Variants in UNC79 observed in about 807,000 individuals in gnomAD.
UNC79 encodes protein unc-79 homolog.
A neutral mutation model predicts 283.1 loss-of-function variants in UNC79; 37 were observed. That is an observed-to-expected ratio of 0.13 (90% CI 0.10 to 0.17). The LOEUF is 0.17. Ranked by LOEUF, UNC79 falls within the 10% of genes least tolerant of loss-of-function variation. The pLI is 1.00. For synonymous variants in UNC79, 1,107 were observed against 1,200.2 expected (o/e 0.92, Z 1.61); for missense variants, 2,272 against 3,211.1 (o/e 0.71, Z 7.07).
chr14:93,412,927 C>CA (rs1225381003), intron 1 of UNC79, among the ~76,000 whole-genome samples: 1 of 151,912 alleles, frequency 6.6e-6, no homozygotes, highest in African/African-American at 2.4e-5. Context: ...TGTTAATGAG[C>CA]AAAAAGAAAT....
At chr14:93,608,663 G>T (rs2066065871) in intron 26 of UNC79, among the ~76,000 whole-genome samples, 1 of 152,212 alleles carries the variant, frequency 6.6e-6, no homozygotes, top group South Asian at 2.1e-4. Context: ...TGGACCAAGT[G>T]CAGAGTAAGC....
At chr14:93,557,656 T>G (rs1379438080) in intron 14 of UNC79, among the ~76,000 whole-genome samples, 1 of 150,948 alleles carries the variant, frequency 6.6e-6, no homozygotes, top group Non-Finnish European at 1.5e-5. Flanking sequence ...GGAGAGAGAG[T>G]ACCCCCATAT....
At chr14:93,455,747 A>G (rs749739361) in intron 1 of UNC79, among the ~76,000 whole-genome samples, 1 of 152,208 alleles carries the variant, frequency 6.6e-6, no homozygotes, top group Non-Finnish European at 1.5e-5. Context: ...TCTGTGAGAT[A>G]GATATGATTA....
intron 7 of UNC79, among the ~76,000 whole-genome samples, chr14:93,500,465 A>G (rs535209050): frequency 6.6e-6 from 1 of 150,820 alleles, no homozygotes; most frequent in East Asian, 1.9e-4. Flanking sequence ...AAGATCACAG[A>G]AAAAAAAAAT....
At chr14:93,538,870 T>C (rs939202734) in intron 12 of UNC79, among the ~76,000 whole-genome samples, 4 of 149,850 alleles carry the variant, frequency 2.7e-5, no homozygotes, top group East Asian at 2.0e-4. Context: ...CTGATACTCA[T>C]AGAGGCAAGA....
chr14:93,357,786 GATATAT>G (rs1264250691), intron 1 of UNC79, among the ~76,000 whole-genome samples: 1 of 98,180 alleles, frequency 1.0e-5, no homozygotes, highest in Non-Finnish European at 2.1e-5. Flanking sequence ...TGGATATATG[GATATAT>G]ATATATGGAT....
rs149464547 is a variant in UNC79 at position 93,458,006 on chromosome 14, C to G, written c.23-9665C>G. Among the ~76,000 whole-genome samples the G allele has an allele frequency of 2.7e-3, 409 of 152,314 alleles. 1 individual carries two copies. Among genetic ancestry groups the G allele is most frequent in the African/African-American group, 9.3e-3 (387 of 41,566 alleles). ...TCAAGAGAAAAAAATAAAAAGGTTTCAGGCATAATTTTTACTTAAACCATT... is the reference window on the plus strand; with the variant it reads ...TCAAGAGAAAAAAATAAAAAGGTTTGAGGCATAATTTTTACTTAAACCATT... On this transcript the variant is annotated intron_variant, in intron 1 of 48. Coordinates refer to ENST00000555664, the Ensembl canonical transcript of UNC79.
intron 1 of UNC79, among the ~76,000 whole-genome samples, chr14:93,360,291 G>A (rs78786989): frequency 2.0e-5 from 3 of 152,110 alleles, no homozygotes; most frequent in Admixed American, 6.5e-5. Context: ...AAACAATATC[G>A]CATCCCTGGA....
Position 93,474,851 on chromosome 14 carries a change from T to G in UNC79, c.448+458T>G, listed in dbSNP as rs188785312. Among the ~76,000 whole-genome samples, 178 of 152,282 alleles carry G rather than the reference T, an allele frequency of 1.2e-3. 3 individuals are homozygous for G. In the Middle Eastern group the frequency reaches 0.027, roughly 23 times the overall value. Reference sequence around the variant, plus strand: ...ATTTTTTCCTGTCTCTTTAATAAAGTCAGGAGGTTAGATGAGAAGTAATCT... The same window carrying G: ...ATTTTTTCCTGTCTCTTTAATAAAGGCAGGAGGTTAGATGAGAAGTAATCT... On this transcript the variant is annotated intron_variant, in intron 3 of 48. Transcript: ENST00000555664. The surrounding 1 kb of genome is among the most constrained non-coding windows in gnomAD (Gnocchi z 4.1).
At chr14:93,410,085 A>G (rs1453431454) in intron 1 of UNC79, among the ~76,000 whole-genome samples, 1 of 152,244 alleles carries the variant, frequency 6.6e-6, no homozygotes, top group Non-Finnish European at 1.5e-5. Flanking sequence ...TGAATCACTG[A>G]CACCACCCTT....
intron 1 of UNC79, chr14:93,397,144 G>A (rs1213754264): frequency 6.6e-6 from 1 of 151,948 alleles, no homozygotes; most frequent in East Asian, 1.9e-4. Context: ...ATTTTTAGAA[G>A]CCAGTCAAAT....
intron 1 of UNC79, among the ~76,000 whole-genome samples, chr14:93,352,983 C>A (rs1413587601): frequency 6.6e-6 from 1 of 152,178 alleles, no homozygotes; most frequent in East Asian, 1.9e-4. Context: ...CATAGACATA[C>A]AATATGATAC....
intron 38 of UNC79, among the ~76,000 whole-genome samples, chr14:93,657,050 C>T (rs985388383): frequency 1.3e-5 from 2 of 152,140 alleles, no homozygotes; most frequent in Admixed American, 6.5e-5. Flanking sequence ...CTTAGCTCAG[C>T]GTGTGCTGCT....
chr14:93,345,760 A>G (rs2053813042), intron 1 of UNC79, among the ~76,000 whole-genome samples: 1 of 151,960 alleles, frequency 6.6e-6, no homozygotes, highest in African/African-American at 2.4e-5. Flanking sequence ...AATAAATAGG[A>G]ATAGTGCTCC....
chr14:93,705,683 C>T (rs1208545319), intron 48 of UNC79, among the ~76,000 whole-genome samples: 3 of 152,208 alleles, frequency 2.0e-5, no homozygotes, highest in African/African-American at 7.2e-5. Context: ...ACTCTATGAC[C>T]AGCAAACAGA....
intron 34 of UNC79, among the ~76,000 whole-genome samples, 198 bp from the exon 38 acceptor site, chr14:93,646,410 G>A (rs981585324): frequency 1.3e-5 from 2 of 152,104 alleles, no homozygotes; most frequent in South Asian, 2.1e-4. Flanking sequence ...ACTTGATATA[G>A]CAGGTCTCAA....
At chr14:93,613,185 T>C in intron 27 of UNC79, 102 bp downstream of exon 28, 1 of 1,469,816 alleles carries the variant, frequency 6.8e-7, no homozygotes, top group South Asian at 1.3e-5. Flanking sequence ...TAAAGGTTTG[T>C]ACAAATTGCT....
At chr14:93,383,498 T>C (rs987742541) in intron 1 of UNC79, among the ~76,000 whole-genome samples, 1 of 152,244 alleles carries the variant, frequency 6.6e-6, no homozygotes, top group Non-Finnish European at 1.5e-5. Context: ...TATGCGATAG[T>C]CTGTTAACTG....
At chr14:93,378,450 T>C (rs1157815043) in intron 1 of UNC79, among the ~76,000 whole-genome samples, 2 of 152,208 alleles carry the variant, frequency 1.3e-5, no homozygotes, top group Admixed American at 1.3e-4. Flanking sequence ...ATCCCTTATC[T>C]GAAATGCTTA....
Sources: allele counts gnomAD v4.1 joint callset (sites outside exome capture counted in the v4.1 genomes callset), GRCh38; gene constraint gnomAD v4.1.1; non-coding constraint Gnocchi (gnomAD v3.1); transcripts MANE v1.5; gene names NCBI Gene and HGNC (gene_info 2026-07-23, HGNC 2026-07-21).